PLLP: variants seen among roughly 807,000 people sequenced by gnomAD.
PLLP encodes the protein plasmolipin, also known as plasma membrane proteolipid (plasmolipin).
In PLLP, 15 loss-of-function variants were observed where a neutral mutation model predicts 19.7. That is an observed-to-expected ratio of 0.76 (90% CI 0.51 to 1.17). The LOEUF (loss-of-function observed/expected upper bound fraction) is 1.17. Among genes scored for constraint, PLLP ranks in the 50% most tolerant of loss-of-function variants. PLLP has a pLI of 0.00. For missense variants in PLLP, 255 were observed against 258.3 expected (o/e 0.99, Z 0.09); for synonymous variants, 111 against 116.3 (o/e 0.95, Z 0.29).
At chr16:57,268,252 G>C (rs1345708135) in intron 1 of PLLP, among the ~76,000 whole-genome samples, 5 of 152,196 alleles carry the variant, frequency 3.3e-5, no homozygotes, top group Non-Finnish European at 5.9e-5. Context: ...GCAGCCCCAG[G>C]AAATGAATAG....
rs760735400 is a variant in PLLP at position 57,258,455 on chromosome 16, G to C, written c.432+7C>G. 1.2e-5 allele frequency: 19 copies of C among 1,608,246 alleles called. No individual in the cohort carries two copies. The highest frequency in any genetic ancestry group is 1.7e-4 in the Middle Eastern group (1 of 6,042). On this transcript the variant is annotated splice_region_variant and intron_variant, in intron 3 of 3. Coordinates refer to ENST00000219207, the MANE Select transcript of PLLP (RefSeq NM_015993.3). Reference sequence around the variant, plus strand: ...GACCACCAAGGGAGCCTGGGAAGCAGACTCACCGAGGCAGCCGCGCGCTGG... The same window carrying C: ...GACCACCAAGGGAGCCTGGGAAGCACACTCACCGAGGCAGCCGCGCGCTGG...
chr16:57,270,124 A>G (rs1023212330), intron 1 of PLLP, among the ~76,000 whole-genome samples: 2 of 152,154 alleles, frequency 1.3e-5, no homozygotes, highest in African/African-American at 4.8e-5. Context: ...AAACAACGTA[A>G]CGGCCAAAGG....
At chr16:57,257,173 G>A (rs2075428575) in intron 3 of PLLP, 144 bp from the exon 4 acceptor site, 2 of 643,628 alleles carry the variant, frequency 3.1e-6, no homozygotes, top group African/African-American at 1.8e-5. Flanking sequence ...GTTTATCATG[G>A]GGCTGATGAG....
At chr16:57,267,480 T>A (rs1223158254) in intron 1 of PLLP, among the ~76,000 whole-genome samples, 7 of 152,004 alleles carry the variant, frequency 4.6e-5, no homozygotes, top group Non-Finnish European at 8.8e-5. Context: ...GGCAGAAGAA[T>A]CACTTTGAAC....
chr16:57,278,356 T>G (rs11861212), intron 1 of PLLP, among the ~76,000 whole-genome samples: 7,424 of 152,124 alleles, frequency 0.049, 590 homozygotes, highest in African/African-American at 0.17. Flanking sequence ...GCACCAAGTA[T>G]GAGAAAAGCA....
intron 2 of PLLP, among the ~76,000 whole-genome samples, chr16:57,259,975 T>TAAAA (rs574093513): frequency 8.9e-6 from 1 of 112,440 alleles, no homozygotes. Flanking sequence ...GGACTTTGTC[T>TAAAA]AAAAAAAAAA....
chr16:57,262,828 G>A (rs1223023609), intron 1 of PLLP, among the ~76,000 whole-genome samples: 2 of 152,114 alleles, frequency 1.3e-5, no homozygotes, highest in East Asian at 3.9e-4. Context: ...TCCTCTTGCA[G>A]GTCTCAGCTG....
At chr16:57,277,377 G>A (rs553752172) in intron 1 of PLLP, among the ~76,000 whole-genome samples, 2 of 152,328 alleles carry the variant, frequency 1.3e-5, no homozygotes, top group East Asian at 3.9e-4. Flanking sequence ...ATCACCTGAG[G>A]TCAGGAGTTT....
chr16:57,258,576 G>T lies in PLLP; in HGVS notation c.318C>A (p.Ile106=). ...YMVPWPLVLM[I]FNISATVLYI... is the part of the protein sequence containing the mutation. ...AGAGAACGGTGGCGCTGATGTTAAAGATCATTAACTGCAGGACATGGGGGT... is the reference window on the plus strand; with the variant it reads ...AGAGAACGGTGGCGCTGATGTTAAATATCATTAACTGCAGGACATGGGGGT... Residue 106 remains isoleucine (I), a synonymous_variant, in exon 3 of 4, where the codon ATC becomes ATA. Coordinates refer to ENST00000219207, the MANE Select transcript of PLLP (RefSeq NM_015993.3). The T allele has an allele frequency of 1.2e-6, 2 of 1,612,728 alleles. No homozygotes were observed. The highest frequency in any genetic ancestry group is 1.7e-6 in the Non-Finnish European group (2 of 1,179,824).
intron 1 of PLLP, among the ~76,000 whole-genome samples, chr16:57,276,206 C>T (rs1901151860): frequency 6.6e-6 from 1 of 152,226 alleles, no homozygotes; most frequent in African/African-American, 2.4e-5. Flanking sequence ...CCTGTAATCC[C>T]AGCACTTTGG....
Position 57,256,105 on chromosome 16 carries a change from C to T in PLLP, c.*808G>A. 1 of 398,532 alleles carries T rather than the reference C, an allele frequency of 2.5e-6. No homozygotes were observed. The highest frequency in any genetic ancestry group is 4.4e-6 in the Non-Finnish European group (1 of 226,046). The allele number at this position is 398,532 out of a possible 1,614,324, so 24.7% of individuals were successfully genotyped here. A position where few individuals can be genotyped will look rare whatever the true frequency, so the allele number is the denominator to read the frequency against. On this transcript the variant is annotated 3_prime_UTR_variant, in exon 4 of 4. Transcript: ENST00000219207. ...CCAACATCTTGTCCAAATAATTTCT[C>T]TCATCTTTATTTTTATTAAAAAAAA...
chr16:57,264,117 C>A (rs921578588), intron 1 of PLLP, among the ~76,000 whole-genome samples: 1 of 152,142 alleles, frequency 6.6e-6, no homozygotes, highest in African/African-American at 2.4e-5. Flanking sequence ...CCAGGCACCC[C>A]ATCCAAAAGC....
chr16:57,273,969 C>T, intron 1 of PLLP, among the ~76,000 whole-genome samples: 1 of 152,168 alleles, frequency 6.6e-6, no homozygotes, highest in South Asian at 2.1e-4. Context: ...ATAGCTTTTG[C>T]CATATCCACG....
intron 1 of PLLP, among the ~76,000 whole-genome samples, chr16:57,275,191 A>G (rs1365907655): frequency 6.6e-6 from 1 of 152,078 alleles, no homozygotes; most frequent in Admixed American, 6.6e-5. Flanking sequence ...ATAGCATGCT[A>G]CAATTTTGCA....
At chr16:57,271,714 C>T (rs1232460215) in intron 1 of PLLP, among the ~76,000 whole-genome samples, 1 of 152,052 alleles carries the variant, frequency 6.6e-6, no homozygotes, top group East Asian at 1.9e-4. Flanking sequence ...TACTTAATCC[C>T]TCCCCGTTCC....
At chr16:57,280,516 T>C (rs1218775110) in intron 1 of PLLP, among the ~76,000 whole-genome samples, 3 of 152,116 alleles carry the variant, frequency 2.0e-5, no homozygotes, top group African/African-American at 4.8e-5. Flanking sequence ...AAAAGAGTTA[T>C]CTGTAGATCA....
chr16:57,261,129 AG>A (rs2075440506), intron 2 of PLLP, among the ~76,000 whole-genome samples: 1 of 152,022 alleles, frequency 6.6e-6, no homozygotes, highest in Admixed American at 6.6e-5. Context: ...CTGGGACTAG[AG>A]GCGCGCGCCA....
At chr16:57,279,877 A>G (rs1901198723) in intron 1 of PLLP, among the ~76,000 whole-genome samples, 1 of 152,208 alleles carries the variant, frequency 6.6e-6, no homozygotes, top group Non-Finnish European at 1.5e-5. Context: ...TTCACCTGCA[A>G]AGTGGGAATT....
intron 1 of PLLP, among the ~76,000 whole-genome samples, chr16:57,277,951 A>G (rs1327455677): frequency 6.6e-6 from 1 of 152,126 alleles, no homozygotes; most frequent in Non-Finnish European, 1.5e-5. Flanking sequence ...GAATAAAACA[A>G]TTCCATCAGT....
Sources: allele counts gnomAD v4.1 joint callset (sites outside exome capture counted in the v4.1 genomes callset), GRCh38; gene constraint gnomAD v4.1.1; transcripts MANE v1.5; gene names NCBI Gene and HGNC (gene_info 2026-07-23, HGNC 2026-07-21).